The following SHISA9 variants were observed in gnomAD, a reference collection of about 807,000 sequenced individuals.
The protein encoded by SHISA9 is shisa family member 9.
A neutral mutation model predicts 38.0 loss-of-function variants in SHISA9; 13 were observed. That is an observed-to-expected ratio of 0.34 (90% CI 0.22 to 0.54). The LOEUF (loss-of-function observed/expected upper bound fraction) is 0.54, where lower values mean the gene tolerates loss of function less well. SHISA9 is among the 20% of genes least tolerant of loss of function. The pLI is 0.91. For missense variants in SHISA9, 538 were observed against 575.8 expected (o/e 0.93, Z 0.67); for synonymous variants, 275 against 242.0 (o/e 1.14, Z -1.27).
intron 2 of SHISA9, among the ~76,000 whole-genome samples, chr16:13,029,624 G>C (rs755432821): frequency 1.3e-4 from 20 of 152,132 alleles, no homozygotes; most frequent in Non-Finnish European, 2.5e-4. Context: ...CAAACAAAAT[G>C]AATGAGATTC....
At chr16:13,514,008 T>A in the SHISA9 span, among the ~76,000 whole-genome samples, 2 of 152,108 alleles carry the variant, frequency 1.3e-5, no homozygotes, top group East Asian at 1.9e-4. Context: ...ATAAAATATT[T>A]TTTTTTAACA....
the SHISA9 span, among the ~76,000 whole-genome samples, chr16:13,454,207 T>C: frequency 3.3e-5 from 5 of 152,232 alleles, no homozygotes; most frequent in Non-Finnish European, 7.3e-5. Context: ...AGAATCATTG[T>C]ATACCTTGTT....
intron 4 of SHISA9, among the ~76,000 whole-genome samples, chr16:13,224,179 G>A (rs938954766): frequency 6.6e-6 from 1 of 152,150 alleles, no homozygotes; most frequent in Non-Finnish European, 1.5e-5. Flanking sequence ...TGACAAGAGT[G>A]GGGAAATAGA....
the SHISA9 span, among the ~76,000 whole-genome samples, chr16:13,282,531 C>T: frequency 6.6e-6 from 1 of 151,946 alleles, no homozygotes; most frequent in Admixed American, 6.6e-5. Context: ...ATATTTATCA[C>T]ACTTTTGTGA....
chr16:12,937,671 C>CT (rs1345604226), intron 2 of SHISA9, among the ~76,000 whole-genome samples: 1 of 152,230 alleles, frequency 6.6e-6, no homozygotes, highest in African/African-American at 2.4e-5. Context: ...AGAGAGCACT[C>CT]TGGTGTTTCT....
chr16:13,529,897 T>C, the SHISA9 span, among the ~76,000 whole-genome samples: 2 of 152,306 alleles, frequency 1.3e-5, no homozygotes, highest in Non-Finnish European at 2.9e-5. Context: ...AATCCTATTC[T>C]CTTGATTGGT....
chr16:13,094,714 T>C (rs1431944278), intron 2 of SHISA9, among the ~76,000 whole-genome samples: 2 of 152,162 alleles, frequency 1.3e-5, no homozygotes, highest in Non-Finnish European at 2.9e-5. Flanking sequence ...GCCTGTAGAC[T>C]TTGTTTTGGG....
At chr16:13,180,770 T>C (rs2050770442) in intron 2 of SHISA9, among the ~76,000 whole-genome samples, 1 of 152,126 alleles carries the variant, frequency 6.6e-6, no homozygotes, top group African/African-American at 2.4e-5. Context: ...TGAGCCATCC[T>C]TATGGAATCA....
chr16:13,455,108 A>G, the SHISA9 span, among the ~76,000 whole-genome samples: 1 of 152,128 alleles, frequency 6.6e-6, no homozygotes, highest in Non-Finnish European at 1.5e-5. Flanking sequence ...ATATATAACC[A>G]CATAATTATA....
chr16:13,510,287 G>A, the SHISA9 span, among the ~76,000 whole-genome samples: 6 of 152,170 alleles, frequency 3.9e-5, no homozygotes, highest in Admixed American at 2.6e-4. Flanking sequence ...CAGCCTGGGC[G>A]ATAAGAGTGA....
intron 2 of SHISA9, among the ~76,000 whole-genome samples, chr16:13,154,324 C>T (rs1490058770): frequency 2.0e-5 from 3 of 152,184 alleles, no homozygotes; most frequent in African/African-American, 7.2e-5. Flanking sequence ...TTGGCCATCT[C>T]AAAGTGTGGT....
At chr16:13,298,377 ATAT>A in the SHISA9 span, among the ~76,000 whole-genome samples, 3 of 152,204 alleles carry the variant, frequency 2.0e-5, no homozygotes, top group African/African-American at 4.8e-5. Flanking sequence ...ATCAATATCA[ATAT>A]TATTATCAAT....
chr16:12,955,983 G>T (rs2071828134), intron 2 of SHISA9, among the ~76,000 whole-genome samples: 1 of 152,086 alleles, frequency 6.6e-6, no homozygotes, highest in Non-Finnish European at 1.5e-5. Flanking sequence ...CTACAGAATG[G>T]GAGAAAATAT....
At chr16:13,028,282 T>A (rs2072949666) in intron 2 of SHISA9, among the ~76,000 whole-genome samples, 1 of 152,286 alleles carries the variant, frequency 6.6e-6, no homozygotes, top group Non-Finnish European at 1.5e-5. Flanking sequence ...CTACGTGGCT[T>A]CATTCTTAGG....
the SHISA9 span, among the ~76,000 whole-genome samples, chr16:13,360,831 CAG>C: frequency 6.6e-6 from 1 of 152,108 alleles, no homozygotes; most frequent in Non-Finnish European, 1.5e-5. Context: ...CCGGCCTTCT[CAG>C]GGAATATTCT....
chr16:12,961,365 G>T (rs1486841664), intron 2 of SHISA9, among the ~76,000 whole-genome samples: 1 of 152,136 alleles, frequency 6.6e-6, no homozygotes, highest in Non-Finnish European at 1.5e-5. Flanking sequence ...TTTCTTGACG[G>T]CAATGGAGAT....
At chr16:13,273,563 C>G in the SHISA9 span, among the ~76,000 whole-genome samples, 1 of 152,138 alleles carries the variant, frequency 6.6e-6, no homozygotes, top group East Asian at 1.9e-4. Context: ...TGAGGCCTCC[C>G]CAGTCACATG....
At chr16:13,493,250 C>G in the SHISA9 span, among the ~76,000 whole-genome samples, 1 of 152,064 alleles carries the variant, frequency 6.6e-6, no homozygotes, top group African/African-American at 2.4e-5. Context: ...GACACTGCCC[C>G]CAATACCATT....
At chr16:13,074,688 G>T (rs1288715739) in intron 2 of SHISA9, among the ~76,000 whole-genome samples, 3 of 147,350 alleles carry the variant, frequency 2.0e-5, no homozygotes, top group African/African-American at 7.6e-5. Context: ...TTTTGAGGTG[G>T]AGTTTTGCTG....
Sources: allele counts gnomAD v4.1 joint callset (sites outside exome capture counted in the v4.1 genomes callset), GRCh38; gene constraint gnomAD v4.1.1; transcripts MANE v1.5; gene names NCBI Gene and HGNC (gene_info 2026-07-23, HGNC 2026-07-21).